The following RBMS3 variants were observed in gnomAD, a reference collection of about 807,000 sequenced individuals.
RBMS3 encodes RNA binding motif single stranded interacting protein 3.
Under a neutral mutation model 66.8 loss-of-function variants are expected in RBMS3, and 27 were observed. The observed-to-expected ratio is 0.40, with a 90% CI of 0.30 to 0.56. The LOEUF is 0.56. Ranked by LOEUF, RBMS3 falls within the 20% of genes least tolerant of loss-of-function variation. RBMS3 has a pLI of 0.40. For missense variants in RBMS3, 513 were observed against 549.5 expected (o/e 0.93, Z 0.66); for synonymous variants, 188 against 183.0 (o/e 1.03, Z -0.22).
Position 29,535,710 on chromosome 3 carries a change from CTTTTTTTTTTTTT to C in RBMS3, c.307+47230_307+47242del, listed in dbSNP as rs149022808. ...GAGTTCAATGATTGAGATCATTGCT[CTTTTTTTTTTTTT>C]TTTTTTTTTTTTTTTTTTGCTGGTA... On this transcript the variant is annotated intron_variant, in intron 3 of 14. Coordinates refer to ENST00000383767, the MANE Select transcript of RBMS3 (RefSeq NM_001003793.3). 7.0e-4 allele frequency among the ~76,000 whole-genome samples: 28 copies of C among 39,744 alleles called. No homozygotes were observed. In the South Asian group the frequency reaches 0.011, roughly 16 times the overall value. 26.1% of individuals were successfully genotyped at this position (39,744 alleles called of 152,430 possible).
chr3:29,973,951 A>G (rs1021876407), intron 12 of RBMS3, among the ~76,000 whole-genome samples: 1 of 151,862 alleles, frequency 6.6e-6, no homozygotes, highest in African/African-American at 2.4e-5. Flanking sequence ...ATAGTAAAAG[A>G]TAGTAATCAC....
At chr3:29,964,026 A>G (rs1189630004) in intron 12 of RBMS3, among the ~76,000 whole-genome samples, 1 of 152,166 alleles carries the variant, frequency 6.6e-6, no homozygotes, top group African/African-American at 2.4e-5. Flanking sequence ...TAAAAATTTT[A>G]TTGGAACACA....
intron 14 of RBMS3, among the ~76,000 whole-genome samples, chr3:30,000,552 G>T (rs1451787169): frequency 2.6e-5 from 4 of 152,048 alleles, no homozygotes; most frequent in African/African-American, 7.2e-5. Context: ...TATACCCAAA[G>T]GATTATAAAT....
chr3:29,497,530 T>C (rs776943008), intron 3 of RBMS3, among the ~76,000 whole-genome samples: 9 of 152,132 alleles, frequency 5.9e-5, no homozygotes, highest in African/African-American at 9.7e-5. Flanking sequence ...CATAAAATGC[T>C]CTCTCTTCCT....
intron 4 of RBMS3, among the ~76,000 whole-genome samples, chr3:29,618,648 T>G (rs1169954598): frequency 6.6e-6 from 1 of 151,974 alleles, no homozygotes; most frequent in Non-Finnish European, 1.5e-5. Flanking sequence ...TTCCAAAAAA[T>G]CAACTTTTTG....
chr3:29,979,123 A>T (rs1045756700), intron 12 of RBMS3, among the ~76,000 whole-genome samples: 3 of 152,232 alleles, frequency 2.0e-5, no homozygotes, highest in Admixed American at 2.0e-4. Flanking sequence ...CATGAGCAAG[A>T]CTGCCTCTAA....
intron 5 of RBMS3, among the ~76,000 whole-genome samples, chr3:29,740,089 C>T (rs186225704): frequency 5.9e-5 from 9 of 151,688 alleles, no homozygotes; most frequent in Non-Finnish European, 1.3e-4. Flanking sequence ...TTCAAATGTA[C>T]GTAGAATGTG....
intron 3 of RBMS3, among the ~76,000 whole-genome samples, chr3:29,585,546 A>G (rs1436661465): frequency 6.6e-6 from 1 of 152,122 alleles, no homozygotes; most frequent in East Asian, 1.9e-4. Context: ...GTATAATGGC[A>G]CGAAGCCAGT....
chr3:29,871,745 A>T (rs930085679), intron 7 of RBMS3, among the ~76,000 whole-genome samples: 5 of 152,156 alleles, frequency 3.3e-5, no homozygotes, highest in African/African-American at 9.7e-5. Context: ...TTCTGACGAA[A>T]TTCTTAGGAT....
chr3:29,761,697 G>T (rs975303450), intron 5 of RBMS3, among the ~76,000 whole-genome samples: 1 of 151,930 alleles, frequency 6.6e-6, no homozygotes, highest in Non-Finnish European at 1.5e-5. Context: ...CCTATAATAT[G>T]GCCATGTAAT....
At chr3:29,922,293 C>CTGG (rs2060804020) in intron 10 of RBMS3, among the ~76,000 whole-genome samples, 1 of 151,634 alleles carries the variant, frequency 6.6e-6, no homozygotes, top group Non-Finnish European at 1.5e-5. Context: ...CGAGACCATC[C>CTGG]TGGCTAACAA....
intron 1 of RBMS3, among the ~76,000 whole-genome samples, chr3:29,334,418 T>C (rs1394460979): frequency 1.3e-5 from 2 of 152,198 alleles, no homozygotes; most frequent in Non-Finnish European, 2.9e-5. Context: ...AGCTAATTTT[T>C]CCCATCCTAA....
In RBMS3 at chr3:29,998,426, A is replaced by C. The variant is rs199965322; in HGVS notation, c.1308-5430A>C. ...ATTGGAAAAAACTACTTTAAAGTTC[A>C]TATGGAACCAAAAAAGAGCCCACAT... On this transcript the variant is annotated intron_variant, in intron 14 of 14. Coordinates refer to ENST00000383767, the MANE Select transcript of RBMS3 (RefSeq NM_001003793.3). 0.014 allele frequency among the ~76,000 whole-genome samples: 2,147 copies of C among 152,270 alleles called. 131 individuals are homozygous for C. The East Asian group carries it at 0.14, about 10-fold the overall frequency.
chr3:29,983,371 T>G (rs781397365), intron 12 of RBMS3, among the ~76,000 whole-genome samples: 11 of 152,176 alleles, frequency 7.2e-5, no homozygotes, highest in Non-Finnish European at 1.0e-4. Flanking sequence ...TTTATCCAAT[T>G]TGCCAGTCTG....
intron 3 of RBMS3, among the ~76,000 whole-genome samples, chr3:29,559,398 C>G (rs982652962): frequency 5.9e-5 from 9 of 151,440 alleles, no homozygotes; most frequent in Admixed American, 3.3e-4. Flanking sequence ...CTAATCCCAG[C>G]TACTCAGGAG....
At chr3:29,850,853 A>G (rs1380319213) in intron 6 of RBMS3, among the ~76,000 whole-genome samples, 1 of 152,176 alleles carries the variant, frequency 6.6e-6, no homozygotes, top group African/African-American at 2.4e-5. Flanking sequence ...TCTAGCAGGA[A>G]AGGGATCGAG....
intron 8 of RBMS3, among the ~76,000 whole-genome samples, chr3:29,887,165 A>G (rs1412573466): frequency 6.6e-6 from 1 of 151,832 alleles, no homozygotes; most frequent in African/African-American, 2.4e-5. Context: ...AGCTCTGACA[A>G]CATGTAATGA....
intron 12 of RBMS3, among the ~76,000 whole-genome samples, chr3:29,951,523 A>C (rs1305838825): frequency 6.6e-6 from 1 of 151,730 alleles, no homozygotes; most frequent in East Asian, 1.9e-4. Context: ...TAAAAGGATT[A>C]ATTGAAAGGA....
chr3:29,762,892 T>C lies in RBMS3; in HGVS notation c.558-18T>C. ...CTTGACAACCATATATGACCTCTGG[T>C]TTACCTTTTTTTCCCAGAATGGAGT... On this transcript the variant is annotated intron_variant, in intron 5 of 14. Transcript: ENST00000383767. The C allele has an allele frequency of 6.4e-7, 1 of 1,552,838 alleles. No homozygotes were observed. The highest frequency in any genetic ancestry group is 1.4e-5 in the African/African-American group (1 of 73,180).
Sources: gnomAD v4.1 joint callset for allele counts (sites outside exome capture counted in the v4.1 genomes callset) on GRCh38, gnomAD v4.1.1 for gene constraint, MANE v1.5 for transcripts, NCBI Gene and HGNC (gene_info 2026-07-23, HGNC 2026-07-21) for gene names.